STX18: variants seen among roughly 807,000 people sequenced by gnomAD.
STX18 encodes the protein syntaxin-18.
A neutral mutation model predicts 50.1 loss-of-function variants in STX18; 40 were observed. The ratio of observed to expected loss-of-function variants is 0.80; its 90% CI spans 0.62 to 1.04. The LOEUF is 1.04. Ranked by LOEUF, STX18 falls within the 50% of genes least tolerant of loss-of-function variation. The pLI is 0.00. For synonymous variants in STX18, 158 were observed against 151.8 expected (o/e 1.04, Z -0.30); for missense variants, 410 against 415.8 (o/e 0.99, Z 0.12).
At chr4:4,446,299 C>A (rs914845662) in intron 5 of STX18, among the ~76,000 whole-genome samples, 1 of 151,796 alleles carries the variant, frequency 6.6e-6, no homozygotes, top group Non-Finnish European at 1.5e-5. Context: ...TTGGGGTAGA[C>A]AAAGTAAAAA....
At chr4:4,532,494 T>G (rs1016084561) in intron 1 of STX18, among the ~76,000 whole-genome samples, 3 of 152,124 alleles carry the variant, frequency 2.0e-5, no homozygotes, top group Non-Finnish European at 2.9e-5. Flanking sequence ...CCTCACTCTT[T>G]CAGAGACTCA....
At chr4:4,524,521 A>G (rs12644497) in intron 1 of STX18, among the ~76,000 whole-genome samples, 58,109 of 152,120 alleles carry the variant, frequency 0.38, 11,128 homozygotes, top group South Asian at 0.47. Flanking sequence ...AGTCAAGCAA[A>G]GAGCCTCTCT....
At chr4:4,459,831 A>G (rs758467518) in intron 2 of STX18, among the ~76,000 whole-genome samples, 3 of 152,226 alleles carry the variant, frequency 2.0e-5, no homozygotes, top group African/African-American at 4.8e-5. Flanking sequence ...CAGCTACTGA[A>G]GGGTCTCACA....
chr4:4,539,442 C>T (rs557593986), intron 1 of STX18, among the ~76,000 whole-genome samples: 1 of 152,296 alleles, frequency 6.6e-6, no homozygotes, highest in Non-Finnish European at 1.5e-5. Context: ...AGTTAAACTT[C>T]CCACAAGAGA....
intron 6 of STX18, among the ~76,000 whole-genome samples, chr4:4,437,120 T>TG (rs1435889292): frequency 5.9e-5 from 9 of 152,072 alleles, no homozygotes; most frequent in African/African-American, 2.2e-4. Context: ...CCACCACACC[T>TG]GGCTAATTTT....
At chr4:4,430,914 T>G (rs1248791179) in intron 7 of STX18, among the ~76,000 whole-genome samples, 1 of 152,204 alleles carries the variant, frequency 6.6e-6, no homozygotes, top group African/African-American at 2.4e-5. Flanking sequence ...TATAAATTCA[T>G]AGCCAACTCT....
chr4:4,473,666 A>C (rs6446649), intron 1 of STX18, among the ~76,000 whole-genome samples: 53,640 of 151,950 alleles, frequency 0.35, 13,168 homozygotes, highest in African/African-American at 0.7. Flanking sequence ...CCATCACATA[A>C]AAGATTTGAC....
At chr4:4,517,741 T>C (rs1238612149) in intron 1 of STX18, among the ~76,000 whole-genome samples, 4 of 152,106 alleles carry the variant, frequency 2.6e-5, no homozygotes, top group East Asian at 1.9e-4. Context: ...TACATGAATA[T>C]AGCAATCATC....
At position 4,420,082 on chromosome 4, in the gene STX18, G is replaced by A. The variant is rs776291839; in HGVS notation, c.960C>T (p.Leu320=). The A allele has an allele frequency of 6.8e-6, 11 of 1,613,416 alleles. No individual in the cohort carries two copies. Among genetic ancestry groups the A allele is most frequent in the Admixed American group, 5.0e-5 (3 of 59,946 alleles). Residue 320 remains leucine (L), a synonymous_variant, in exon 11 of 11, where the codon CTC becomes CTT. Coordinates refer to ENST00000306200, the MANE Select transcript of STX18 (RefSeq NM_016930.4). This position sits in a 1 kb window ranked among gnomAD's most constrained non-coding sequence, Gnocchi z 4.3. ...AGFRVWILFF[L]VMCSFSLLFL... ...AGAGCAAGGAGAAGGAGCACATCACGAGGAAGAAGAGGATCCACACGCGGA... is the reference window on the plus strand; with the variant it reads ...AGAGCAAGGAGAAGGAGCACATCACAAGGAAGAAGAGGATCCACACGCGGA...
chr4:4,451,695 T>G (rs1726761525), intron 5 of STX18, among the ~76,000 whole-genome samples: 1 of 152,232 alleles, frequency 6.6e-6, no homozygotes, highest in Admixed American at 6.5e-5. Context: ...TAAGACAGCG[T>G]ACTTCATAAG....
intron 3 of STX18, 96 bp from the exon 4 acceptor site, chr4:4,457,596 T>C (rs1447030634): frequency 9.8e-6 from 9 of 920,596 alleles, no homozygotes; most frequent in South Asian, 1.5e-5. Flanking sequence ...ATTGAGAGTA[T>C]TTTTTAAAAC....
chr4:4,449,597 A>G (rs1726640358), intron 5 of STX18, among the ~76,000 whole-genome samples: 1 of 152,174 alleles, frequency 6.6e-6, no homozygotes. Context: ...CAGAAATCAC[A>G]AAAGTGATGC....
At chr4:4,512,008 T>C (rs1172064015) in intron 1 of STX18, among the ~76,000 whole-genome samples, 1 of 151,986 alleles carries the variant, frequency 6.6e-6, no homozygotes, top group Non-Finnish European at 1.5e-5. Flanking sequence ...CTCTTTCTGC[T>C]AGATGCCAGT....
intron 5 of STX18, among the ~76,000 whole-genome samples, chr4:4,453,377 C>T (rs896038335): frequency 6.6e-6 from 1 of 152,172 alleles, no homozygotes; most frequent in Non-Finnish European, 1.5e-5. Flanking sequence ...AGTCAGTAGC[C>T]ATCAACACTG....
chr4:4,524,224 C>A (rs916425906), intron 1 of STX18, among the ~76,000 whole-genome samples: 9 of 152,134 alleles, frequency 5.9e-5, no homozygotes, highest in Admixed American at 2.6e-4. Flanking sequence ...ATTTATAATG[C>A]CTAAAGCAGA....
intron 1 of STX18, among the ~76,000 whole-genome samples, chr4:4,510,478 T>C (rs1232249458): frequency 6.6e-6 from 1 of 151,508 alleles, no homozygotes; most frequent in Non-Finnish European, 1.5e-5. Flanking sequence ...ATCCATGACA[T>C]GCAATTATTA....
chr4:4,473,635 T>C (rs2108838710), intron 1 of STX18, among the ~76,000 whole-genome samples: 1 of 152,164 alleles, frequency 6.6e-6, no homozygotes, highest in Admixed American at 6.5e-5. Context: ...AATTAAGAGA[T>C]ACGCAAGCAA....
intron 5 of STX18, among the ~76,000 whole-genome samples, chr4:4,447,333 T>C (rs1439976057): frequency 6.6e-6 from 1 of 151,460 alleles, no homozygotes; most frequent in Non-Finnish European, 1.5e-5. Flanking sequence ...CTCACGCCTG[T>C]AATCCCAGCA....
chr4:4,485,378 T>C (rs980743242), intron 1 of STX18, among the ~76,000 whole-genome samples: 7 of 152,200 alleles, frequency 4.6e-5, no homozygotes, highest in Admixed American at 3.9e-4. Flanking sequence ...GTGAAAAGCA[T>C]ACACAATTCA....
Sources: allele counts gnomAD v4.1 joint callset (sites outside exome capture counted in the v4.1 genomes callset), GRCh38; gene constraint gnomAD v4.1.1; non-coding constraint Gnocchi (gnomAD v3.1); transcripts MANE v1.5; gene names NCBI Gene and HGNC (gene_info 2026-07-23, HGNC 2026-07-21).